WNK3: variants seen among roughly 807,000 people sequenced by gnomAD.
WNK3 encodes the protein WNK lysine deficient protein kinase 3.
WNK3 carries 18 observed loss-of-function variants against 116.7 expected under a neutral mutation model. That is an observed-to-expected ratio of 0.15 (90% CI 0.11 to 0.23). The LOEUF (loss-of-function observed/expected upper bound fraction) is 0.23. Among genes scored for constraint, WNK3 ranks in the 10% least tolerant of loss-of-function variants. WNK3 has a pLI of 1.00. For synonymous variants in WNK3, 404 were observed against 469.4 expected (o/e 0.86, Z 1.80); for missense variants, 993 against 1,323.8 (o/e 0.75, Z 3.88).
At chrX:54,318,921 G>A (rs781805980) in intron 2 of WNK3, among the ~76,000 whole-genome samples, 2 of 109,581 alleles carry the variant, frequency 1.8e-5, no homozygotes, top group South Asian at 8.1e-4. Context: ...GGGATTACAG[G>A]TGCCCGCCAT....
At chrX:54,350,152 G>C (rs1569539716) in intron 1 of WNK3, among the ~76,000 whole-genome samples, 1 of 111,910 alleles carries the variant, frequency 8.9e-6, no homozygotes, top group Non-Finnish European at 1.9e-5. Context: ...GCTCACGCCT[G>C]TAATCCCAGC....
intron 17 of WNK3, 131 bp from the exon 18 acceptor site, chrX:54,239,230 G>A (rs1431958518): frequency 4.7e-6 from 2 of 429,773 alleles, no homozygotes; most frequent in African/African-American, 5.2e-5. Flanking sequence ...GGAATTTCTT[G>A]TATAGACTAA....
intron 10 of WNK3, among the ~76,000 whole-genome samples, chrX:54,272,103 A>G (rs2068390268): frequency 8.9e-6 from 1 of 112,481 alleles, no homozygotes; most frequent in Admixed American, 9.5e-5. Context: ...GCTAAATAGC[A>G]TTTTTACAGA....
chrX:54,350,200 G>C (rs1557178309), intron 1 of WNK3, among the ~76,000 whole-genome samples: 2 of 111,269 alleles, frequency 1.8e-5, no homozygotes, highest in African/African-American at 6.5e-5. Context: ...ACGAGGTCAG[G>C]AGATCAAGAC....
chrX:54,295,317 T>C (rs1203692477), intron 7 of WNK3, among the ~76,000 whole-genome samples: 1 of 111,302 alleles, frequency 9.0e-6, no homozygotes, highest in African/African-American at 3.3e-5. Context: ...GAGCCTCTAA[T>C]TGGCATGAGA....
intron 5 of WNK3, among the ~76,000 whole-genome samples, chrX:54,305,318 C>A (rs1188749398): frequency 8.9e-6 from 1 of 111,760 alleles, no homozygotes; most frequent in Non-Finnish European, 1.9e-5. Flanking sequence ...TGCAACAGTG[C>A]ATCTCTTCCC....
At chrX:54,250,190 T>C in intron 15 of WNK3, 59 bp from the exon 16 acceptor site, 2 of 1,066,853 alleles carry the variant, frequency 1.9e-6, no homozygotes, top group East Asian at 6.6e-5. Flanking sequence ...ATTTACCTTA[T>C]TGACTGAAGA....
chrX:54,323,871 T>C (rs1322416575), intron 2 of WNK3, among the ~76,000 whole-genome samples: 1 of 112,207 alleles, frequency 8.9e-6, no homozygotes, highest in Non-Finnish European at 1.9e-5. Flanking sequence ...TATTTATTTG[T>C]TGAATGAACA....
chrX:54,232,462 C>T (rs2067913053), intron 21 of WNK3, among the ~76,000 whole-genome samples: 1 of 111,573 alleles, frequency 9.0e-6, no homozygotes, highest in Non-Finnish European at 1.9e-5. Flanking sequence ...TTAAGATTAT[C>T]TTGTTACCAA....
chrX:54,296,933 C>T (rs1338914381), intron 7 of WNK3, among the ~76,000 whole-genome samples: 1 of 110,620 alleles, frequency 9.0e-6, no homozygotes, highest in Non-Finnish European at 1.9e-5. Context: ...GTGGCCCACT[C>T]CCCATCAAAC....
At chrX:54,247,220 C>T (rs2068081861) in intron 17 of WNK3, among the ~76,000 whole-genome samples, 1 of 111,473 alleles carries the variant, frequency 9.0e-6, no homozygotes, top group Non-Finnish European at 1.9e-5. Context: ...ATTCATTTGA[C>T]CTTGACACTT....
chrX:54,196,560 T>C (rs1291468004), exon 24 of WNK3: 1 of 110,810 alleles, frequency 9.0e-6, no homozygotes, highest in Non-Finnish European at 1.9e-5. Context: ...TTAACAGTAA[T>C]GTTGGGTAGC....
intron 11 of WNK3, among the ~76,000 whole-genome samples, chrX:54,258,277 CA>C (rs1177900992): frequency 0.075 from 2,085 of 27,975 alleles, 62 homozygotes; most frequent in African/African-American, 0.21. Flanking sequence ...GACTCCATCT[CA>C]AAAAAAAAAA....
chrX:54,238,279 T>G, intron 19 of WNK3, 63 bp downstream of exon 19: 2 of 1,132,550 alleles, frequency 1.8e-6, no homozygotes, highest in Non-Finnish European at 2.3e-6. Context: ...CAGACCAAGA[T>G]CTCCACTGGC....
At chrX:54,237,616 A>G in intron 19 of WNK3, 65 bp from the exon 20 acceptor site, 7 of 1,043,293 alleles carry the variant, frequency 6.7e-6, no homozygotes, top group Non-Finnish European at 7.5e-6. Flanking sequence ...GCTGTGATGT[A>G]TATGTATTGA....
At chrX:54,336,080 A>C (rs2069230970) in intron 1 of WNK3, among the ~76,000 whole-genome samples, 1 of 112,054 alleles carries the variant, frequency 8.9e-6, no homozygotes, top group African/African-American at 3.2e-5. Context: ...GCCTGAGCTC[A>C]GGAGTTCGAG....
intron 1 of WNK3, among the ~76,000 whole-genome samples, chrX:54,344,721 G>C (rs1490808722): frequency 1.8e-5 from 2 of 111,445 alleles, no homozygotes; most frequent in Non-Finnish European, 3.8e-5. Context: ...GAGATGGGTG[G>C]AACACGAGGT....
At chrX:54,350,795 C>A (rs2069504199) in intron 1 of WNK3, among the ~76,000 whole-genome samples, 1 of 110,766 alleles carries the variant, frequency 9.0e-6, no homozygotes, top group Non-Finnish European at 1.9e-5. Context: ...ACAAAATCAA[C>A]CTGAAAAGAA....
intron 2 of WNK3, among the ~76,000 whole-genome samples, chrX:54,332,756 C>T (rs1446099136): frequency 1.9e-5 from 2 of 107,577 alleles, no homozygotes; most frequent in African/African-American, 3.4e-5. Context: ...GGCGTAGTGG[C>T]GTGCACCTGT....
Sources: gnomAD v4.1 joint callset for allele counts (sites outside exome capture counted in the v4.1 genomes callset) on GRCh38, gnomAD v4.1.1 for gene constraint, MANE v1.5 for transcripts, NCBI Gene and HGNC (gene_info 2026-07-23, HGNC 2026-07-21) for gene names.